The following NOVA1 variants were observed in gnomAD, a reference collection of about 807,000 sequenced individuals.
NOVA1 encodes NOVA alternative splicing regulator 1, also known as RNA-binding protein Nova-1.
NOVA1 carries 7 observed loss-of-function variants against 38.0 expected under a neutral mutation model. That is an observed-to-expected ratio of 0.18 (90% CI 0.10 to 0.35). NOVA1 has a LOEUF of 0.35. Ranked by LOEUF, NOVA1 falls within the 10% of genes least tolerant of loss-of-function variation. NOVA1 has a pLI of 1.00. For synonymous variants in NOVA1, 270 were observed against 232.5 expected (o/e 1.16, Z -1.47); for missense variants, 460 against 616.0 (o/e 0.75, Z 2.68).
intron 2 of NOVA1, among the ~76,000 whole-genome samples, chr14:26,546,675 A>G (rs1490174683): frequency 2.0e-5 from 3 of 152,176 alleles, no homozygotes; most frequent in Non-Finnish European, 4.4e-5. Context: ...TTGCCAGGAC[A>G]TTATCACAAG....
In NOVA1 at chr14:26,577,321, T is replaced by C. The variant is rs138368359; in HGVS notation, c.280+18089A>G. On this transcript the variant is annotated intron_variant, in intron 2 of 4. Transcript: ENST00000539517. ...GATACTGATATTTCTTAAATATAAA[T>C]TTCCTACAGGGTTCCCTATAACACA... Among the ~76,000 whole-genome samples the C allele has an allele frequency of 1.8e-3, 272 of 152,182 alleles. 1 individual carries two copies. Among genetic ancestry groups the C allele is most frequent in the African/African-American group, 6.3e-3 (260 of 41,554 alleles).
intron 4 of NOVA1, among the ~76,000 whole-genome samples, chr14:26,453,511 AAG>A (rs1490295509): frequency 6.6e-6 from 1 of 152,174 alleles, no homozygotes; most frequent in Non-Finnish European, 1.5e-5. Flanking sequence ...TATCAGAAAA[AAG>A]TAATAAATTT....
chr14:26,557,362 C>T (rs540455309), intron 2 of NOVA1, among the ~76,000 whole-genome samples: 1 of 152,122 alleles, frequency 6.6e-6, no homozygotes, highest in South Asian at 2.1e-4. Flanking sequence ...GGTGGGAATG[C>T]AAAATAGTAG....
chr14:26,595,336 A>AC, intron 2 of NOVA1, 74 bp downstream of exon 2: 1 of 1,437,240 alleles, frequency 7.0e-7, no homozygotes, highest in South Asian at 1.3e-5. Context: ...TTCTTTCAAG[A>AC]CAGCACACAA....
At chr14:26,536,011 CA>C (rs1466476056) in intron 2 of NOVA1, among the ~76,000 whole-genome samples, 1 of 150,682 alleles carries the variant, frequency 6.6e-6, no homozygotes, top group Non-Finnish European at 1.5e-5. Flanking sequence ...TACATATACA[CA>C]ATGGAGTATT....
intron 2 of NOVA1, among the ~76,000 whole-genome samples, chr14:26,532,219 A>G (rs1889767200): frequency 6.6e-6 from 1 of 152,234 alleles, no homozygotes; most frequent in Non-Finnish European, 1.5e-5. Context: ...ATAACTCTGC[A>G]CAAAGACTTG....
chr14:26,558,567 T>C (rs115139879), intron 2 of NOVA1, among the ~76,000 whole-genome samples: 3,228 of 152,184 alleles, frequency 0.021, 109 homozygotes, highest in African/African-American at 0.074. Context: ...GATAATTACA[T>C]GGAAATAGAA....
chr14:26,448,070 C>T lies in NOVA1; in HGVS notation c.1413G>A (p.Lys471=). ...GEFVPGTRNR[K]VTITGTPAAT... The stretch of plus-strand genomic sequence containing the variant: ...CAGCTGGTGTTCCAGTAATGGTTAC[C>T]TTCCGATTCCTTGTGCCAGGTACGA... Residue 471 remains lysine, a synonymous_variant, in exon 5 of 5, where the codon AAG becomes AAA. Transcript: ENST00000539517. This position sits in a 1 kb window ranked among gnomAD's most constrained non-coding sequence, Gnocchi z 5.3. The T allele has an allele frequency of 6.2e-7, 1 of 1,614,138 alleles. No individual in the cohort carries two copies. The highest frequency in any genetic ancestry group is 1.1e-5 in the South Asian group (1 of 91,076).
At chr14:26,513,265 T>A (rs967997337) in intron 2 of NOVA1, among the ~76,000 whole-genome samples, 4 of 151,914 alleles carry the variant, frequency 2.6e-5, no homozygotes, top group Non-Finnish European at 5.9e-5. Flanking sequence ...TAAGCTTGAA[T>A]GAAAGATATT....
At chr14:26,486,970 A>G (rs1885966463) in intron 2 of NOVA1, among the ~76,000 whole-genome samples, 1 of 152,106 alleles carries the variant, frequency 6.6e-6, no homozygotes, top group African/African-American at 2.4e-5. Context: ...CATTTATTTA[A>G]TAAAAATCAC....
chr14:26,583,298 T>A (rs1056644576), intron 2 of NOVA1, among the ~76,000 whole-genome samples: 4 of 151,680 alleles, frequency 2.6e-5, no homozygotes, highest in African/African-American at 9.7e-5. Flanking sequence ...AAAACATGTA[T>A]GCAACTCTTA....
chr14:26,454,577 C>T (rs2138580439), intron 4 of NOVA1, among the ~76,000 whole-genome samples: 1 of 152,190 alleles, frequency 6.6e-6, no homozygotes, highest in South Asian at 2.1e-4. Flanking sequence ...ATACAACTCC[C>T]TTTTTTGCTT....
intron 1 of NOVA1, among the ~76,000 whole-genome samples, chr14:26,596,380 A>T (rs1894193246): frequency 6.6e-6 from 1 of 152,202 alleles, no homozygotes; most frequent in African/African-American, 2.4e-5. Flanking sequence ...GAACCAGGAA[A>T]AATAAAATGA....
chr14:26,462,365 AAG>A (rs1380584324), intron 4 of NOVA1, among the ~76,000 whole-genome samples: 1 of 152,190 alleles, frequency 6.6e-6, no homozygotes, highest in Non-Finnish European at 1.5e-5. Flanking sequence ...CTTGAAAAAA[AAG>A]AGACAGTGTC....
chr14:26,536,763 A>C (rs1460216159), intron 2 of NOVA1, among the ~76,000 whole-genome samples: 2 of 152,154 alleles, frequency 1.3e-5, no homozygotes, highest in African/African-American at 4.8e-5. Context: ...TTACTATGTA[A>C]AAATTTTTTA....
intron 2 of NOVA1, among the ~76,000 whole-genome samples, chr14:26,583,790 C>T (rs1318973171): frequency 6.6e-6 from 1 of 150,826 alleles, no homozygotes; most frequent in African/African-American, 2.4e-5. Context: ...ACAGAGAATC[C>T]ACTAATAAAT....
chr14:26,464,946 T>C (rs1395079983), intron 4 of NOVA1, among the ~76,000 whole-genome samples: 1 of 152,152 alleles, frequency 6.6e-6, no homozygotes, highest in Non-Finnish European at 1.5e-5. Context: ...ATATGATACA[T>C]ACTAGGTTGA....
chr14:26,525,118 A>G (rs1014866451), intron 2 of NOVA1, among the ~76,000 whole-genome samples: 1 of 152,184 alleles, frequency 6.6e-6, no homozygotes, highest in Non-Finnish European at 1.5e-5. Flanking sequence ...AGACCAGCTT[A>G]ATTTTGTTAA....
intron 1 of NOVA1, 54 bp from the exon 2 acceptor site, chr14:26,595,607 C>T: frequency 1.3e-6 from 2 of 1,505,946 alleles, no homozygotes; most frequent in South Asian, 1.2e-5. Context: ...AACTTTGTAT[C>T]CCCTCTCCAC....
Sources: gnomAD v4.1 joint callset for allele counts (sites outside exome capture counted in the v4.1 genomes callset) on GRCh38, gnomAD v4.1.1 for gene constraint, Gnocchi (gnomAD v3.1) non-coding constraint, MANE v1.5 for transcripts, NCBI Gene and HGNC (gene_info 2026-07-23, HGNC 2026-07-21) for gene names.